The following FBXW12 variants were observed in gnomAD, a reference collection of about 807,000 sequenced individuals.
The protein encoded by FBXW12 is F-box and WD repeat domain containing 12.
A neutral mutation model predicts 55.3 loss-of-function variants in FBXW12; 43 were observed. The observed-to-expected ratio is 0.78, with a 90% CI of 0.61 to 1.00. The LOEUF (loss-of-function observed/expected upper bound fraction) is 1.00, where lower values mean the gene tolerates loss of function less well. Ranked by LOEUF, FBXW12 falls within the 50% of genes least tolerant of loss-of-function variation. The pLI, the probability that FBXW12 is intolerant of heterozygous loss-of-function variation, is 0.00. For synonymous variants in FBXW12, 184 were observed against 203.8 expected, an observed-to-expected ratio of 0.90 and a Z score of 0.83; for missense variants, 524 against 560.5, an observed-to-expected ratio of 0.93 and a Z score of 0.66.
At chr3:48,374,353 A>G (rs1215183872) in intron 4 of FBXW12, among the ~76,000 whole-genome samples, 6 of 132,144 alleles carry the variant, frequency 4.5e-5, no homozygotes, top group Admixed American at 8.1e-5. Flanking sequence ...TTTGAGGTTG[A>G]GTCTTGCTCT....
chr3:48,375,974 CTTTTTTTTTTTTT>C (rs34834484), intron 5 of FBXW12, among the ~76,000 whole-genome samples: 7 of 40,618 alleles, frequency 1.7e-4, no homozygotes, highest in Admixed American at 9.3e-4. Context: ...TGCGCCCGGC[CTTTTTTTTTTTTT>C]TTTTTTTTTT....
intron 10 of FBXW12, among the ~76,000 whole-genome samples, chr3:48,384,320 A>C (rs1377078628): frequency 6.6e-6 from 1 of 152,180 alleles, no homozygotes; most frequent in Non-Finnish European, 1.5e-5. Flanking sequence ...GTACTGTCTT[A>C]TTTCAATTTC....
chr3:48,379,297 T>C (rs1283580225), intron 6 of FBXW12, 103 bp from the exon 7 acceptor site: 1 of 1,052,464 alleles, frequency 9.5e-7, no homozygotes, highest in Non-Finnish European at 1.4e-6. Context: ...ATTATGTGAT[T>C]GAAGAAACAG....
rs2036979942 is a variant in FBXW12 at position 48,394,626 on chromosome 3, C to T, written c.1362C>T (p.Ser454=). The T allele has an allele frequency of 6.2e-7, 1 of 1,604,254 alleles. No homozygotes were observed. Among genetic ancestry groups the T allele is most frequent in the Non-Finnish European group, 8.5e-7 (1 of 1,173,704 alleles). ...TTAGGGTGAGGAAAGTAAGTGACTC[C>T]AGCATTCTGGTGATGTATTCTTTGA... The part of the protein sequence containing the change: ...IVLRVRKVSD[S]SILVMYSLNT The change falls in exon 11 of 11, where the codon TCC becomes TCT. Residue 454 remains serine, a synonymous_variant. Coordinates refer to ENST00000296438, the MANE Select transcript of FBXW12 (RefSeq NM_207102.2).
chr3:48,391,355 C>CACATATAT (rs1301553701), intron 10 of FBXW12, among the ~76,000 whole-genome samples: 1 of 141,534 alleles, frequency 7.1e-6, no homozygotes, highest in African/African-American at 2.6e-5. Flanking sequence ...CACACACACA[C>CACATATAT]ATATATATAT....
chr3:48,381,565 T>C, intron 8 of FBXW12, 135 bp from the exon 9 acceptor site: 1 of 1,002,806 alleles, frequency 1.0e-6, no homozygotes, highest in South Asian at 2.4e-5. Context: ...ACCCTTCATT[T>C]TCTTCCCCGG....
At chr3:48,393,251 C>T (rs1159266200) in intron 10 of FBXW12, among the ~76,000 whole-genome samples, 4 of 152,164 alleles carry the variant, frequency 2.6e-5, no homozygotes, top group Non-Finnish European at 5.9e-5. Flanking sequence ...CCGCCTTGGC[C>T]TCCCAAAGTG....
chr3:48,376,198 TCTTGAA>T (rs1560030420), intron 5 of FBXW12, among the ~76,000 whole-genome samples: 1 of 151,972 alleles, frequency 6.6e-6, no homozygotes, highest in Non-Finnish European at 1.5e-5. Context: ...GCCAGGCTGT[TCTTGAA>T]CTTCTGGCCT....
chr3:48,394,323 G>C lies in FBXW12; in HGVS notation c.1296-237G>C, dbSNP rs952044426. On this transcript the variant is annotated intron_variant, in intron 10 of 10. Transcript: ENST00000296438. ...TTAAACCAGATAATCTGTCAAATCA[G>C]ATACTGACAATTCTGGCAATAATAT... Among the ~76,000 whole-genome samples, 3 of 152,112 alleles carry C rather than the reference G, an allele frequency of 2.0e-5. No individual in the cohort carries two copies. In the South Asian group the frequency reaches 6.2e-4, roughly 32 times the overall value.
intron 4 of FBXW12, 132 bp from the exon 5 acceptor site, chr3:48,375,221 GC>G: frequency 1.5e-6 from 1 of 647,980 alleles, no homozygotes; most frequent in South Asian, 1.8e-5. Flanking sequence ...TGACTCTGGA[GC>G]CCAATTTCTA....
chr3:48,380,557 G>T, intron 7 of FBXW12, 145 bp from the exon 8 acceptor site: 1 of 636,988 alleles, frequency 1.6e-6, no homozygotes, highest in Non-Finnish European at 2.8e-6. Flanking sequence ...GGAGTGATAA[G>T]CAGTGACCAC....
intron 10 of FBXW12, among the ~76,000 whole-genome samples, 176 bp downstream of exon 10, chr3:48,382,261 CAT>C (rs1203709136): frequency 1.3e-5 from 2 of 152,144 alleles, no homozygotes; most frequent in Non-Finnish European, 2.9e-5. Context: ...GGATTACAGG[CAT>C]GTGCCACCAC....
rs2107153342 is a variant in FBXW12 at position 48,375,351 on chromosome 3, T to C, written c.287-3T>C. The stretch of plus-strand genomic sequence containing the variant: ...TGGCCAAGTCTTCTATGTTTCCTTC[T>C]AGCATTTGAGACGGAGTTGGCTTAT... On this transcript the variant is annotated splice_region_variant and splice_polypyrimidine_tract_variant and intron_variant, in intron 4 of 10. Transcript: ENST00000296438. The C allele has an allele frequency of 6.4e-7, 1 of 1,567,766 alleles. No homozygotes were observed. The highest frequency in any genetic ancestry group is 1.4e-5 in the African/African-American group (1 of 73,798).
intron 10 of FBXW12, among the ~76,000 whole-genome samples, chr3:48,383,074 CT>C (rs1163258062): frequency 2.0e-5 from 3 of 152,168 alleles, no homozygotes; most frequent in Non-Finnish European, 4.4e-5. Context: ...CTGTTATTAA[CT>C]TTTTTACAAG....
At chr3:48,375,661 T>A (rs11708508) in intron 5 of FBXW12, among the ~76,000 whole-genome samples, 189 bp downstream of exon 5, 1 of 151,814 alleles carries the variant, frequency 6.6e-6, no homozygotes, top group Non-Finnish European at 1.5e-5. Flanking sequence ...TTCACTTTTG[T>A]TGTTGTTGTT....
At chr3:48,377,223 C>T (rs1397723582) in intron 5 of FBXW12, among the ~76,000 whole-genome samples, 1 of 152,198 alleles carries the variant, frequency 6.6e-6, no homozygotes, top group East Asian at 1.9e-4. Flanking sequence ...ATGATAATCA[C>T]GATCAATCTT....
chr3:48,382,023 C>A lies in FBXW12; in HGVS notation c.1233C>A (p.Arg411=). The change falls in exon 10 of 11, where the codon CGC becomes CGA. Residue 411 remains arginine, a synonymous_variant. Transcript: ENST00000296438. ...TGTACATGTGGGAAGAAGGAGGCCG[C>A]CATCCATACCTCAGGAGCTGCTGTC... ...VHVYMWEEGG[R]HPYLRSCCHL... is the part of the protein sequence containing the mutation. 6.2e-7 allele frequency: 1 copy of A among 1,614,174 alleles called. No homozygotes were observed.
At chr3:48,375,981 T>C (rs1424308851) in intron 5 of FBXW12, among the ~76,000 whole-genome samples, 2 of 126,202 alleles carry the variant, frequency 1.6e-5, no homozygotes, top group African/African-American at 6.1e-5. Context: ...GGCCTTTTTT[T>C]TTTTTTTTTT....
At chr3:48,384,383 TG>T (rs2036816871) in intron 10 of FBXW12, among the ~76,000 whole-genome samples, 1 of 152,246 alleles carries the variant, frequency 6.6e-6, no homozygotes. Flanking sequence ...ATATTGACCT[TG>T]TATCCCGCAA....
Sources: gnomAD v4.1 joint callset for allele counts (sites outside exome capture counted in the v4.1 genomes callset) on GRCh38, gnomAD v4.1.1 for gene constraint, MANE v1.5 for transcripts, NCBI Gene and HGNC (gene_info 2026-07-23, HGNC 2026-07-21) for gene names.